Variants in FRMD3 observed in about 807,000 individuals in gnomAD.
FRMD3 encodes FERM domain containing 3, also known as FERM domain-containing protein 3.
FRMD3 carries 33 observed loss-of-function variants against 70.2 expected under a neutral mutation model. The observed-to-expected ratio is 0.47, with a 90% CI of 0.36 to 0.63. The LOEUF (loss-of-function observed/expected upper bound fraction) is 0.63, where lower values mean the gene tolerates loss of function less well. Among genes scored for constraint, FRMD3 ranks in the 20% least tolerant of loss-of-function variants. The pLI is 0.00. For synonymous variants in FRMD3, 279 were observed against 255.9 expected, an observed-to-expected ratio of 1.09 and a Z score of -0.86; for missense variants, 632 against 711.4, an observed-to-expected ratio of 0.89 and a Z score of 1.27.
intron 3 of FRMD3, among the ~76,000 whole-genome samples, chr9:83,371,621 C>G (rs994239478): frequency 6.6e-6 from 1 of 152,210 alleles, no homozygotes; most frequent in African/African-American, 2.4e-5. Context: ...CCTATTATTT[C>G]TATCTGGATG....
In FRMD3 at chr9:83,301,148, G is replaced by T. The variant is rs1051242298; in HGVS notation, c.927-1962C>A. On this transcript the variant is annotated intron_variant, in intron 10 of 13. Transcript: ENST00000304195. The stretch of plus-strand genomic sequence containing the variant: ...GGCACGTGAGAGCCATGGCCCTGGG[G>T]GGGGCCCTGCAGTGTGCTGGCTGGA... Among the ~76,000 whole-genome samples the T allele has an allele frequency of 2.0e-5, 3 of 152,174 alleles. No homozygotes were observed. The East Asian group carries it at 5.8e-4, about 29-fold the overall frequency.
chr9:83,477,484 T>A (rs1416601382), intron 1 of FRMD3, among the ~76,000 whole-genome samples: 1 of 152,156 alleles, frequency 6.6e-6, no homozygotes, highest in African/African-American at 2.4e-5. Flanking sequence ...TCTGATTTAA[T>A]GAGTCTGCAG....
chr9:83,421,239 C>T (rs1258707989), intron 1 of FRMD3, among the ~76,000 whole-genome samples: 1 of 152,142 alleles, frequency 6.6e-6, no homozygotes, highest in African/African-American at 2.4e-5. Context: ...CGCGCCCGGC[C>T]GAGCCATCTT....
chr9:83,373,655 G>A (rs1302221074), intron 2 of FRMD3, among the ~76,000 whole-genome samples: 1 of 152,146 alleles, frequency 6.6e-6, no homozygotes, highest in Non-Finnish European at 1.5e-5. Context: ...AGATCACTTC[G>A]ACATGCTGAG....
At chr9:83,495,827 G>C (rs148585380) in intron 1 of FRMD3, among the ~76,000 whole-genome samples, 1 of 152,164 alleles carries the variant, frequency 6.6e-6, no homozygotes, top group African/African-American at 2.4e-5. Context: ...TGCAGCTCAA[G>C]GCAGGACTAA....
chr9:83,287,033 T>A (rs1425549829), intron 13 of FRMD3, among the ~76,000 whole-genome samples: 2 of 152,158 alleles, frequency 1.3e-5, no homozygotes, highest in African/African-American at 4.8e-5. Flanking sequence ...GTCCCTACCA[T>A]GTAACCAGCG....
chr9:83,349,692 C>A lies in FRMD3; in HGVS notation c.361G>T (p.Glu121Ter), dbSNP rs1824080271. ...FYPHEPLKIK[E>*]ELTRYLLYLQ... is the part of the protein sequence containing the mutation. ...AACAAAAAATACCTTGTGAGCTCTT[C>A]TTTAATCTTCAAGGGTTCATGTGGG... Residue 121 changes from glutamate (E) to a stop codon, truncating the protein, a stop_gained, in exon 4 of 14, where the codon GAA becomes TAA. Coordinates refer to ENST00000304195, the MANE Select transcript of FRMD3 (RefSeq NM_174938.6). LOFTEE classifies it high-confidence loss of function. 1 of 1,610,204 alleles carries A rather than the reference C, an allele frequency of 6.2e-7. No homozygotes were observed. Among genetic ancestry groups the A allele is most frequent in the Admixed American group, 1.7e-5 (1 of 59,878 alleles).
intron 5 of FRMD3, among the ~76,000 whole-genome samples, chr9:83,336,999 T>C (rs553483198): frequency 6.6e-6 from 1 of 152,248 alleles, no homozygotes; most frequent in East Asian, 1.9e-4. Context: ...CTTTGTGTCC[T>C]CTGCCTCACC....
intron 13 of FRMD3, among the ~76,000 whole-genome samples, chr9:83,283,549 T>G (rs28507519): frequency 9.9e-5 from 1 of 10,052 alleles, no homozygotes; most frequent in Non-Finnish European, 5.0e-4. Flanking sequence ...AAAAAAAAAA[T>G]AATAATAATA....
upstream of FRMD3, among the ~76,000 whole-genome samples, chr9:83,540,870 T>C (rs1422930732): frequency 1.3e-5 from 2 of 152,212 alleles, no homozygotes; most frequent in Non-Finnish European, 2.9e-5. Flanking sequence ...CACAATTTCA[T>C]CTACAAATCG....
upstream of FRMD3, among the ~76,000 whole-genome samples, chr9:83,540,994 C>A (rs996513134): frequency 1.3e-5 from 2 of 152,282 alleles, no homozygotes; most frequent in African/African-American, 4.8e-5. Flanking sequence ...TTGAATGATT[C>A]CTAGTCACTC....
intron 1 of FRMD3, among the ~76,000 whole-genome samples, chr9:83,411,078 C>G (rs1389886726): frequency 6.6e-6 from 1 of 152,196 alleles, no homozygotes; most frequent in Non-Finnish European, 1.5e-5. Flanking sequence ...ATCCTCATCT[C>G]TCACCTTTCT....
chr9:83,296,840 A>T (rs983349207), intron 12 of FRMD3, among the ~76,000 whole-genome samples: 1 of 152,078 alleles, frequency 6.6e-6, no homozygotes, highest in Non-Finnish European at 1.5e-5. Context: ...CCCTTCCACC[A>T]CCTGTTACCA....
intron 13 of FRMD3, among the ~76,000 whole-genome samples, chr9:83,280,965 G>A (rs1587671456): frequency 6.6e-6 from 1 of 152,180 alleles, no homozygotes; most frequent in Non-Finnish European, 1.5e-5. Context: ...TCAGCCTTGA[G>A]CCAGCTGACC....
upstream of FRMD3, among the ~76,000 whole-genome samples, chr9:83,540,431 C>A (rs1172327617): frequency 6.6e-6 from 1 of 152,032 alleles, no homozygotes; most frequent in Non-Finnish European, 1.5e-5. Context: ...TAAAGATAAC[C>A]CAATGTGGGA....
intron 4 of FRMD3, among the ~76,000 whole-genome samples, chr9:83,344,813 G>A (rs978595280): frequency 5.8e-5 from 8 of 138,602 alleles, no homozygotes; most frequent in Non-Finnish European, 9.1e-5. Flanking sequence ...GTGTGCATGC[G>A]TGCATGTGTG....
intron 1 of FRMD3, among the ~76,000 whole-genome samples, chr9:83,400,202 C>A (rs1825915009): frequency 6.6e-6 from 1 of 152,064 alleles, no homozygotes; most frequent in African/African-American, 2.4e-5. Context: ...TGCAATGTTG[C>A]AGGACATAAA....
chr9:83,251,533 A>G (rs1832428815), intron 13 of FRMD3, among the ~76,000 whole-genome samples: 1 of 152,194 alleles, frequency 6.6e-6, no homozygotes, highest in Non-Finnish European at 1.5e-5. Context: ...GAATTGACAG[A>G]AGTAGGCTTC....
chr9:83,456,473 T>C (rs1434729512), intron 1 of FRMD3, among the ~76,000 whole-genome samples: 2 of 152,200 alleles, frequency 1.3e-5, no homozygotes, highest in Non-Finnish European at 1.5e-5. Context: ...CATATTTTGG[T>C]AGCTATTACA....
Sources: allele counts gnomAD v4.1 joint callset (sites outside exome capture counted in the v4.1 genomes callset), GRCh38; gene constraint gnomAD v4.1.1; transcripts MANE v1.5; gene names NCBI Gene and HGNC (gene_info 2026-07-23, HGNC 2026-07-21).